The following GULP1 variants were observed in gnomAD, a reference collection of about 807,000 sequenced individuals.
GULP1 encodes the protein PTB domain-containing engulfment adapter protein 1.
GULP1 carries 19 observed loss-of-function variants against 40.9 expected under a neutral mutation model. That is an observed-to-expected ratio of 0.46 (90% CI 0.32 to 0.68). The LOEUF is 0.68. Ranked by LOEUF, GULP1 falls within the 30% of genes least tolerant of loss-of-function variation. GULP1 has a pLI of 0.03. For synonymous variants in GULP1, 119 were observed against 117.6 expected (o/e 1.01, Z -0.08); for missense variants, 312 against 362.2 (o/e 0.86, Z 1.12).
At chr2:188,417,946 C>G (rs1028949668) in intron 2 of GULP1, among the ~76,000 whole-genome samples, 4 of 151,922 alleles carry the variant, frequency 2.6e-5, no homozygotes, top group Non-Finnish European at 4.4e-5. Context: ...CACATCATCT[C>G]ACACAGCTGA....
chr2:188,512,025 T>G (rs567413199), intron 4 of GULP1, among the ~76,000 whole-genome samples: 1 of 152,324 alleles, frequency 6.6e-6, no homozygotes, highest in Non-Finnish European at 1.5e-5. Context: ...TGATGTGCTT[T>G]TTAAAAATGG....
chr2:188,469,394 T>A (rs1478001834), intron 2 of GULP1, among the ~76,000 whole-genome samples: 1 of 152,160 alleles, frequency 6.6e-6, no homozygotes, highest in East Asian at 1.9e-4. Flanking sequence ...AGTGCATTAG[T>A]CCATTCTCAC....
intron 4 of GULP1, among the ~76,000 whole-genome samples, chr2:188,488,216 C>G (rs557767977): frequency 1.3e-5 from 2 of 152,134 alleles, no homozygotes; most frequent in South Asian, 4.1e-4. Flanking sequence ...TCCACTGATT[C>G]TACCAGAATT....
rs117520641 is a variant in GULP1 at position 188,425,435 on chromosome 2, T to C, written c.-45+41546T>C. ...TTTGTACCACTCTTGCCCTAGACTG[T>C]GAATCAGCCATTTGTCCAAGGAACT... On this transcript the variant is annotated intron_variant, in intron 2 of 11. Coordinates refer to ENST00000409830, the MANE Select transcript of GULP1 (RefSeq NM_016315.4). Among the ~76,000 whole-genome samples, 18 of 152,266 alleles carry C rather than the reference T, an allele frequency of 1.2e-4. No homozygotes were observed. In the East Asian group the frequency reaches 3.3e-3, roughly 28 times the overall value.
At chr2:188,399,709 A>AAAC (rs1553540281) in intron 2 of GULP1, among the ~76,000 whole-genome samples, 2 of 150,206 alleles carry the variant, frequency 1.3e-5, no homozygotes, top group Non-Finnish European at 3.0e-5. Flanking sequence ...AAAAAAAAAA[A>AAAC]AAAAACATCA....
At chr2:188,348,257 G>T (rs1453477751) in intron 1 of GULP1, among the ~76,000 whole-genome samples, 4 of 152,146 alleles carry the variant, frequency 2.6e-5, no homozygotes, top group Admixed American at 2.6e-4. Context: ...ACACATTGTT[G>T]AATAATAATC....
At position 188,528,831 on chromosome 2, in the gene GULP1, G is replaced by C. The variant is rs117459241; in HGVS notation, c.163-266G>C. Among the ~76,000 whole-genome samples, 171 of 152,170 alleles carry C rather than the reference G, an allele frequency of 1.1e-3. 3 individuals are homozygous for C. The highest frequency in any genetic ancestry group is 7.7e-4 in the East Asian group (4 of 5,180). On this transcript the variant is annotated intron_variant, in intron 5 of 11. Transcript: ENST00000409830. Reference sequence around the variant, plus strand: ...TATTTTGAGTTTTCTCAACTGTCTGGTATGAATACGTTTTTGTAAATACCA... The same window carrying C: ...TATTTTGAGTTTTCTCAACTGTCTGCTATGAATACGTTTTTGTAAATACCA...
At chr2:188,362,890 C>T (rs1304047740) in intron 1 of GULP1, among the ~76,000 whole-genome samples, 1 of 151,904 alleles carries the variant, frequency 6.6e-6, no homozygotes, top group African/African-American at 2.4e-5. Flanking sequence ...AGATCTAGCA[C>T]ATCTTACTTC....
At position 188,296,956 on chromosome 2, in the gene GULP1, C is replaced by CTG. The variant is rs373087915; in HGVS notation, c.-172+4791_-172+4792insGT. 5.3e-4 allele frequency among the ~76,000 whole-genome samples: 81 copies of CTG among 152,090 alleles called. 1 individual carries two copies. The highest frequency in any genetic ancestry group is 1.8e-3 in the African/African-American group (76 of 41,532). On this transcript the variant is annotated intron_variant, in intron 1 of 11. Transcript: ENST00000409830. ...TCTCTCTCTCTTTGTCTGTCTCTCT[C>CTG]TCTGTCTCCATTTCTTTCTCCCTTT... is the stretch of plus-strand genomic sequence containing the variant.
intron 2 of GULP1, among the ~76,000 whole-genome samples, chr2:188,400,604 C>T (rs894310082): frequency 1.3e-5 from 2 of 152,102 alleles, no homozygotes; most frequent in African/African-American, 2.4e-5. Flanking sequence ...ATGACCTAAT[C>T]AGATTTGTGT....
At chr2:188,323,487 T>G (rs988389483) in intron 1 of GULP1, among the ~76,000 whole-genome samples, 4 of 152,070 alleles carry the variant, frequency 2.6e-5, no homozygotes, top group African/African-American at 7.2e-5. Context: ...CACTTATTCA[T>G]GAAGGACTGT....
At chr2:188,452,757 T>A (rs2058932667) in intron 2 of GULP1, among the ~76,000 whole-genome samples, 1 of 152,208 alleles carries the variant, frequency 6.6e-6, no homozygotes, top group South Asian at 2.1e-4. Context: ...TCCCACCTTG[T>A]CTGTTTCTCC....
At chr2:188,329,641 C>A (rs1173876534) in intron 1 of GULP1, among the ~76,000 whole-genome samples, 1 of 151,938 alleles carries the variant, frequency 6.6e-6, no homozygotes, top group African/African-American at 2.4e-5. Context: ...TAGAAATTAG[C>A]GGAGGTGATG....
At chr2:188,342,290 A>G (rs1281455367) in intron 1 of GULP1, among the ~76,000 whole-genome samples, 1 of 152,144 alleles carries the variant, frequency 6.6e-6, no homozygotes, top group Non-Finnish European at 1.5e-5. Context: ...AGTCTCTCCT[A>G]GCCCTTGGTG....
At chr2:188,327,624 G>T (rs977051358) in intron 1 of GULP1, among the ~76,000 whole-genome samples, 1 of 152,018 alleles carries the variant, frequency 6.6e-6, no homozygotes, top group African/African-American at 2.4e-5. Context: ...CAATTAAGAT[G>T]ATTTAAACAT....
In GULP1 at chr2:188,538,160, A is replaced by G. The variant is rs932211027; in HGVS notation, c.262-3021A>G. Among the ~76,000 whole-genome samples the G allele has an allele frequency of 3.3e-5, 5 of 151,772 alleles. 1 individual carries two copies. Among genetic ancestry groups the G allele is most frequent in the Non-Finnish European group, 7.4e-5 (5 of 67,926 alleles). The stretch of plus-strand genomic sequence containing the variant: ...ACTTTTGGGTTTGTTCATTGTTTTT[A>G]TGGATTTTTTTCTCTCAATTTCATT... On this transcript the variant is annotated intron_variant, in intron 6 of 11. Coordinates refer to ENST00000409830, the MANE Select transcript of GULP1 (RefSeq NM_016315.4).
At position 188,299,579 on chromosome 2, in the gene GULP1, T is replaced by A. The variant is rs1280501702; in HGVS notation, c.-172+7413T>A. Among the ~76,000 whole-genome samples the A allele has an allele frequency of 7.2e-5, 11 of 152,362 alleles. No individual in the cohort carries two copies. The East Asian group carries it at 1.2e-3, about 16-fold the overall frequency. ...GCATCTGCAAATAAAGAGATTCTGATATGATACAGTTGAATTTAATAAATA... is the reference window on the plus strand; with the variant it reads ...GCATCTGCAAATAAAGAGATTCTGAAATGATACAGTTGAATTTAATAAATA... On this transcript the variant is annotated intron_variant, in intron 1 of 11. Coordinates refer to ENST00000409830, the MANE Select transcript of GULP1 (RefSeq NM_016315.4).
rs575869507 is a variant in GULP1 at position 188,575,293 on chromosome 2, C to T, written c.609+5173C>T. On this transcript the variant is annotated intron_variant, in intron 9 of 11. Transcript: ENST00000409830. ...TGTATACATTTGATATAGTTGTGAT[C>T]TGCTATGGAATATTATAAAATGTGT... Among the ~76,000 whole-genome samples the T allele has an allele frequency of 2.4e-3, 361 of 152,176 alleles. 2 individuals carry two copies. The highest frequency in any genetic ancestry group is 4.1e-3 in the Non-Finnish European group (282 of 68,000).
At chr2:188,490,262 A>ATC (rs1559301180) in intron 4 of GULP1, among the ~76,000 whole-genome samples, 21 of 152,154 alleles carry the variant, frequency 1.4e-4, no homozygotes, top group Non-Finnish European at 2.6e-4. Context: ...ACAGGAAGAT[A>ATC]GTAGCAAAAT....
Sources: gnomAD v4.1 joint callset for allele counts (sites outside exome capture counted in the v4.1 genomes callset) on GRCh38, gnomAD v4.1.1 for gene constraint, MANE v1.5 for transcripts, NCBI Gene and HGNC (gene_info 2026-07-23, HGNC 2026-07-21) for gene names.